CLYBL: variants seen among roughly 807,000 people sequenced by gnomAD.
The protein encoded by CLYBL is citramalyl-CoA lyase, also known as citramalyl-CoA lyase, mitochondrial.
In CLYBL, 31 loss-of-function variants were observed where a neutral mutation model predicts 38.9. The observed-to-expected ratio is 0.80, with a 90% CI of 0.60 to 1.08. The LOEUF (loss-of-function observed/expected upper bound fraction) is 1.08. CLYBL is among the 50% of genes least tolerant of loss of function. CLYBL has a pLI of 0.00. For synonymous variants in CLYBL, 171 were observed against 158.6 expected (o/e 1.08, Z -0.59); for missense variants, 434 against 411.6 (o/e 1.05, Z -0.47).
intron 1 of CLYBL, among the ~76,000 whole-genome samples, chr13:99,703,407 G>T (rs1353999490): frequency 2.0e-5 from 3 of 152,102 alleles, no homozygotes; most frequent in Middle Eastern, 3.4e-3. Flanking sequence ...GTCTCACTCT[G>T]TCGCCAGGCT....
intron 7 of CLYBL, among the ~76,000 whole-genome samples, chr13:99,885,516 G>A (rs537786507): frequency 2.6e-5 from 4 of 152,294 alleles, no homozygotes; most frequent in African/African-American, 9.6e-5. Context: ...GTTAAAGCAA[G>A]TGGATGATTC....
intron 1 of CLYBL, among the ~76,000 whole-genome samples, chr13:99,684,626 TTC>T (rs2047791317): frequency 6.6e-6 from 1 of 152,172 alleles, no homozygotes; most frequent in Non-Finnish European, 1.5e-5. Flanking sequence ...TCACAAGGGA[TTC>T]TGAGGATGAA....
intron 1 of CLYBL, among the ~76,000 whole-genome samples, chr13:99,689,668 T>A (rs952210189): frequency 3.3e-5 from 5 of 152,220 alleles, no homozygotes; most frequent in Non-Finnish European, 7.3e-5. Flanking sequence ...GTTACTGTTA[T>A]TTACTATTAC....
chr13:99,770,706 G>A (rs1381922159), intron 1 of CLYBL, among the ~76,000 whole-genome samples: 1 of 151,870 alleles, frequency 6.6e-6, no homozygotes, highest in Non-Finnish European at 1.5e-5. Context: ...GCCCGGCCGG[G>A]TTTTAACTTT....
At chr13:99,708,853 G>A (rs562362028) in intron 1 of CLYBL, among the ~76,000 whole-genome samples, 1 of 152,280 alleles carries the variant, frequency 6.6e-6, no homozygotes, top group South Asian at 2.1e-4. Context: ...CAACAACTTT[G>A]GGAGCCTGAG....
intron 2 of CLYBL, among the ~76,000 whole-genome samples, chr13:99,802,039 C>T (rs189507705): frequency 1.3e-5 from 2 of 152,212 alleles, no homozygotes; most frequent in Admixed American, 6.5e-5. Flanking sequence ...AACAAAAAAA[C>T]ACACATCACT....
intron 2 of CLYBL, among the ~76,000 whole-genome samples, chr13:99,790,844 C>A (rs2049900016): frequency 6.6e-6 from 1 of 152,198 alleles, no homozygotes; most frequent in South Asian, 2.1e-4. Context: ...TGATCAGTGT[C>A]CTGTTTTCTA....
intron 2 of CLYBL, among the ~76,000 whole-genome samples, chr13:99,789,722 T>G (rs1251138412): frequency 2.0e-5 from 3 of 152,222 alleles, no homozygotes; most frequent in Non-Finnish European, 4.4e-5. Flanking sequence ...GTCCGCTTGT[T>G]GCAGAGCTGA....
intron 2 of CLYBL, among the ~76,000 whole-genome samples, chr13:99,806,081 A>C (rs1438482039): frequency 6.6e-6 from 1 of 152,212 alleles, no homozygotes; most frequent in East Asian, 1.9e-4. Context: ...TTAGCAATAA[A>C]GAGTTTCATG....
chr13:99,702,572 C>T (rs1453229575), intron 1 of CLYBL, among the ~76,000 whole-genome samples: 1 of 146,724 alleles, frequency 6.8e-6, no homozygotes, highest in Non-Finnish European at 1.5e-5. Context: ...GCGGAGGTTG[C>T]AGTGAGCTGA....
chr13:99,717,550 C>T (rs1220810749), intron 1 of CLYBL, among the ~76,000 whole-genome samples: 2 of 151,832 alleles, frequency 1.3e-5, no homozygotes, highest in Non-Finnish European at 2.9e-5. Flanking sequence ...TCCTCTGCCT[C>T]CCAGGCTCCC....
At chr13:99,891,226 A>T (rs983292529) in intron 7 of CLYBL, 92 bp from the exon 8 acceptor site, 36 of 924,476 alleles carry the variant, frequency 3.9e-5, no homozygotes, top group Non-Finnish European at 6.3e-5. Flanking sequence ...TTCAGGTGGA[A>T]TCTAAAATGT....
intron 1 of CLYBL, among the ~76,000 whole-genome samples, chr13:99,727,006 A>G (rs1431322158): frequency 2.6e-5 from 4 of 151,954 alleles, no homozygotes; most frequent in African/African-American, 9.7e-5. Context: ...TCAAAGTTCA[A>G]AAATTAGACA....
At chr13:99,619,852 G>T (rs1005234236) in intron 1 of CLYBL, among the ~76,000 whole-genome samples, 16 of 152,198 alleles carry the variant, frequency 1.1e-4, no homozygotes, top group Non-Finnish European at 2.4e-4. Flanking sequence ...GAAATAAAAA[G>T]TATATAGCTT....
chr13:99,758,650 C>T (rs117214291), intron 1 of CLYBL, among the ~76,000 whole-genome samples: 4,166 of 152,276 alleles, frequency 0.027, 73 homozygotes, highest in Middle Eastern at 0.041. Context: ...TTCTCCGGAA[C>T]GGTGACTGCC....
At chr13:99,699,946 T>C (rs9585197) in intron 1 of CLYBL, among the ~76,000 whole-genome samples, 68,953 of 151,290 alleles carry the variant, frequency 0.46, 16,248 homozygotes, top group African/African-American at 0.55. Flanking sequence ...GAGCCGAGAT[T>C]GCACCACTGC....
chr13:99,898,361 G>T (rs536424840), downstream of CLYBL, among the ~76,000 whole-genome samples: 1 of 152,168 alleles, frequency 6.6e-6, no homozygotes, highest in African/African-American at 2.4e-5. Flanking sequence ...GTTAAAAAGG[G>T]GCAGGGGGAT....
intron 2 of CLYBL, among the ~76,000 whole-genome samples, chr13:99,803,953 G>T (rs1050314169): frequency 6.6e-6 from 1 of 152,140 alleles, no homozygotes; most frequent in African/African-American, 2.4e-5. Context: ...TGCAGGTCTC[G>T]TAGCCATGAA....
chr13:99,637,670 A>G (rs955264948), intron 1 of CLYBL, among the ~76,000 whole-genome samples: 1 of 152,162 alleles, frequency 6.6e-6, no homozygotes, highest in Non-Finnish European at 1.5e-5. Context: ...AGGGAGGAGA[A>G]TTGCTTGAAC....
Sources: gnomAD v4.1 joint callset for allele counts (sites outside exome capture counted in the v4.1 genomes callset) on GRCh38, gnomAD v4.1.1 for gene constraint, MANE v1.5 for transcripts, NCBI Gene and HGNC (gene_info 2026-07-23, HGNC 2026-07-21) for gene names.